Variants in GCNT2 observed in about 807,000 individuals in gnomAD.
GCNT2 encodes the protein glucosaminyl (N-acetyl) transferase 2 (I blood group).
Under a neutral mutation model 34.2 loss-of-function variants are expected in GCNT2, and 34 were observed. The observed-to-expected ratio is 1.00, with a 90% CI of 0.76 to 1.32. GCNT2 has a LOEUF of 1.32. Among genes scored for constraint, GCNT2 ranks in the 40% most tolerant of loss-of-function variants. GCNT2 has a pLI of 0.00. For synonymous variants in GCNT2, 212 were observed against 188.0 expected, an observed-to-expected ratio of 1.13 and a Z score of -1.04; for missense variants, 584 against 489.4, an observed-to-expected ratio of 1.19 and a Z score of -1.82.
intron 3 of GCNT2, among the ~76,000 whole-genome samples, chr6:10,610,850 T>C (rs1765517804): frequency 6.6e-6 from 1 of 152,178 alleles, no homozygotes; most frequent in East Asian, 1.9e-4. Flanking sequence ...CATAGCTTGG[T>C]AACGAGGGGG....
chr6:10,529,269 C>G lies in GCNT2; in HGVS notation c.358C>G (p.Pro120Ala). The G allele has an allele frequency of 6.2e-7, 1 of 1,614,090 alleles. No homozygotes were observed. The highest frequency in any genetic ancestry group is 8.5e-7 in the Non-Finnish European group (1 of 1,180,000). Residue 120 changes from proline (P) to alanine (A), a missense_variant, in exon 3 of 5, where the codon CCC (proline) becomes GCC (alanine). Coordinates refer to ENST00000495262, the MANE Select transcript of GCNT2 (RefSeq NM_145649.5). ...GAGGCTCTTCAGGGCGATTTATATGCCCCAAAATGTCTACTGTGTGCACCT... is the reference window on the plus strand; with the variant it reads ...GAGGCTCTTCAGGGCGATTTATATGGCCCAAAATGTCTACTGTGTGCACCT... ...FERLFRAIYMPQNVYCVHLDQ... is the reference protein window; with the variant it reads ...FERLFRAIYMAQNVYCVHLDQ...
intron 3 of GCNT2, among the ~76,000 whole-genome samples, chr6:10,580,655 G>A (rs551058715): frequency 4.2e-4 from 64 of 152,168 alleles, no homozygotes; most frequent in African/African-American, 1.4e-3. Flanking sequence ...TTCTGCAGAG[G>A]GTGATGAAGA....
intron 3 of GCNT2, among the ~76,000 whole-genome samples, chr6:10,547,814 C>T (rs1212436684): frequency 6.6e-6 from 1 of 152,174 alleles, no homozygotes; most frequent in East Asian, 1.9e-4. Context: ...GCCATCCCTT[C>T]TCCTGTGTGT....
intron 3 of GCNT2, chr6:10,586,997 T>A (rs995108417): frequency 6.4e-5 from 64 of 993,708 alleles, no homozygotes; most frequent in Non-Finnish European, 9.5e-5. Context: ...TTTGAAATTA[T>A]TATGAAATAA....
chr6:10,580,187 T>G (rs1260532859), intron 3 of GCNT2, among the ~76,000 whole-genome samples: 1 of 152,118 alleles, frequency 6.6e-6, no homozygotes, highest in African/African-American at 2.4e-5. Context: ...CTGATAAAAT[T>G]CAGGTTTCTC....
chr6:10,525,803 T>C (rs1415068204), intron 1 of GCNT2, among the ~76,000 whole-genome samples: 1 of 152,178 alleles, frequency 6.6e-6, no homozygotes, highest in Non-Finnish European at 1.5e-5. Flanking sequence ...ATACAAGTGT[T>C]CGTTACCCTG....
At chr6:10,525,881 A>G (rs1420795776) in intron 1 of GCNT2, among the ~76,000 whole-genome samples, 1 of 152,228 alleles carries the variant, frequency 6.6e-6, no homozygotes, top group East Asian at 1.9e-4. Context: ...TATGTCTGCA[A>G]TGTCTGGAGG....
chr6:10,611,157 G>A (rs907193797), intron 3 of GCNT2, among the ~76,000 whole-genome samples: 9 of 151,824 alleles, frequency 5.9e-5, no homozygotes, highest in Non-Finnish European at 8.8e-5. Context: ...GGCCAAGGTG[G>A]GAGGATTGCT....
chr6:10,539,649 AG>A (rs1421925287), intron 3 of GCNT2, among the ~76,000 whole-genome samples: 7 of 152,310 alleles, frequency 4.6e-5, no homozygotes, highest in South Asian at 2.1e-4. Context: ...GGAGAGAGAG[AG>A]AGAAAACAGA....
intron 3 of GCNT2, among the ~76,000 whole-genome samples, chr6:10,592,547 A>G (rs913059915): frequency 1.3e-5 from 2 of 152,140 alleles, no homozygotes; most frequent in African/African-American, 4.8e-5. Context: ...TACACAGTAA[A>G]TTATGCTGAC....
intron 3 of GCNT2, among the ~76,000 whole-genome samples, chr6:10,612,482 G>T (rs1765601236): frequency 6.6e-6 from 1 of 152,142 alleles, no homozygotes; most frequent in Non-Finnish European, 1.5e-5. Flanking sequence ...CCACGACAAA[G>T]AATTACCTGG....
chr6:10,523,840 G>A (rs1254004591), intron 1 of GCNT2, among the ~76,000 whole-genome samples: 1 of 151,978 alleles, frequency 6.6e-6, no homozygotes, highest in East Asian at 1.9e-4. Context: ...GGGCTTGGTG[G>A]TGGGCGCCTG....
intron 3 of GCNT2, among the ~76,000 whole-genome samples, chr6:10,549,850 G>A (rs1275851240): frequency 1.3e-5 from 2 of 152,042 alleles, no homozygotes; most frequent in Non-Finnish European, 2.9e-5. Context: ...GCTGTGTATC[G>A]TAATTAGAGA....
At chr6:10,568,673 A>G (rs768286192) in intron 3 of GCNT2, among the ~76,000 whole-genome samples, 13 of 152,154 alleles carry the variant, frequency 8.5e-5, no homozygotes, top group African/African-American at 1.7e-4. Context: ...GGATGTCAAA[A>G]TCTCCCTGTT....
At chr6:10,579,341 A>G (rs922301300) in intron 3 of GCNT2, among the ~76,000 whole-genome samples, 24 of 152,220 alleles carry the variant, frequency 1.6e-4, no homozygotes, top group Admixed American at 1.6e-3. Context: ...TTTAAATAGA[A>G]TGTGCAGAAT....
Position 10,532,185 on chromosome 6 carries a change from TCA to T in GCNT2, c.925+2350_925+2351del, listed in dbSNP as rs1491192818. On this transcript the variant is annotated intron_variant, in intron 3 of 4. Transcript: ENST00000495262. The stretch of plus-strand genomic sequence containing the variant: ...ATGGCCTCCGAGTCCCTTCCCACTC[TCA>T]GAGTCTGTGATCCTAATCAGGGGAC... Among the ~76,000 whole-genome samples the T allele has an allele frequency of 2.6e-4, 40 of 152,246 alleles. 1 individual carries two copies. The highest frequency in any genetic ancestry group is 3.4e-3 in the Middle Eastern group (1 of 294).
intron 3 of GCNT2, among the ~76,000 whole-genome samples, chr6:10,615,101 T>G (rs1675697316): frequency 6.6e-6 from 1 of 152,102 alleles, no homozygotes; most frequent in Non-Finnish European, 1.5e-5. Context: ...GAATAGTTAG[T>G]AAGAGACTAA....
intron 3 of GCNT2, among the ~76,000 whole-genome samples, chr6:10,549,729 CCTACACCGT>C (rs1471889856): frequency 7.9e-5 from 12 of 152,044 alleles, no homozygotes; most frequent in Non-Finnish European, 1.5e-4. Flanking sequence ...TAATCCCTTT[CCTACACCGT>C]CTTCGAATTC....
chr6:10,526,637 C>T (rs1326571837), intron 1 of GCNT2, among the ~76,000 whole-genome samples: 1 of 152,106 alleles, frequency 6.6e-6, no homozygotes, highest in Non-Finnish European at 1.5e-5. Context: ...CTCCTGGCCT[C>T]GAGCTCCTCC....
Sources: gnomAD v4.1 joint callset for allele counts (sites outside exome capture counted in the v4.1 genomes callset) on GRCh38, gnomAD v4.1.1 for gene constraint, MANE v1.5 for transcripts, NCBI Gene and HGNC (gene_info 2026-07-23, HGNC 2026-07-21) for gene names.